Variants in CREB3 observed in about 807,000 individuals in gnomAD.
The protein encoded by CREB3 is cAMP responsive element binding protein 3.
In CREB3, 29 loss-of-function variants were observed where a neutral mutation model predicts 34.5. The observed-to-expected ratio is 0.84, with a 90% confidence interval of 0.63 to 1.15. CREB3 has a LOEUF of 1.15. Ranked by LOEUF, CREB3 falls within the 50% of genes most tolerant of loss-of-function variation. The probability of loss-of-function intolerance (pLI) is 0.00; values close to 1 mark genes in which losing one functional copy is unlikely to be tolerated. For missense variants in CREB3, 447 were observed against 443.4 expected, an observed-to-expected ratio of 1.01 and a Z score of -0.07; for synonymous variants, 187 against 173.9, an observed-to-expected ratio of 1.08 and a Z score of -0.59.
intron 6 of CREB3, among the ~76,000 whole-genome samples, chr9:35,735,814 T>C (rs1393535078): frequency 6.6e-6 from 1 of 152,198 alleles, no homozygotes; most frequent in Non-Finnish European, 1.5e-5. Flanking sequence ...GGAGGTTAAG[T>C]CCTGGCAGAG....
chr9:35,736,183 G>T, intron 7 of CREB3, 44 bp from the exon 8 acceptor site: 2 of 1,612,864 alleles, frequency 1.2e-6, no homozygotes, highest in Middle Eastern at 3.3e-4. Context: ...GTGGGGACAG[G>T]GCAATCCAGA....
rs1237059039 is a variant in CREB3, at chr9:35,732,910, G to C, written c.129+9G>C. 5.6e-6 allele frequency: 9 copies of C among 1,613,572 alleles called. No individual in the cohort carries two copies. The South Asian group carries it at 9.9e-5, about 18-fold the overall frequency. ...CGCTGCCGCTTTCTGAGGTAGGTTG[G>C]GGTTCTGACTGGGGAAAGCGTGGGA... On this transcript the variant is annotated intron_variant, in intron 1 of 8. Transcript: ENST00000353704. This position sits in a 1 kb window ranked among gnomAD's most constrained non-coding sequence, Gnocchi z 5.1.
rs528150775 is a variant in CREB3 at position 35,733,628 on chromosome 9, C to T, written c.435+143C>T. ...ATTTATTGCTAATAGGAAGTTGAGG[C>T]AGGTACACAATATGCCAGATGCAAG... On this transcript the variant is annotated intron_variant, in intron 4 of 8. Transcript: ENST00000353704. The T allele has an allele frequency of 4.5e-5, 29 of 642,658 alleles. No individual in the cohort carries two copies. In the African/African-American group the frequency reaches 4.9e-4, roughly 11 times the overall value. The allele number at this position is 642,658 out of a possible 1,614,324, so 39.8% of individuals were successfully genotyped here. A position where few individuals can be genotyped will look rare whatever the true frequency, so the allele number is the denominator to read the frequency against.
At chr9:35,735,264 A>T in intron 5 of CREB3, 42 bp from the exon 6 acceptor site, 1 of 1,611,828 alleles carries the variant, frequency 6.2e-7, no homozygotes, top group Non-Finnish European at 8.5e-7. Flanking sequence ...TTTTGAAGGG[A>T]GGATACAGGC....
chr9:35,734,770 T>C (rs1826161864), intron 4 of CREB3, among the ~76,000 whole-genome samples: 1 of 152,204 alleles, frequency 6.6e-6, no homozygotes, highest in Admixed American at 6.5e-5. Flanking sequence ...ATTTTTTATT[T>C]TTAGTAGAGA....
chr9:35,735,325 C>A lies in CREB3; in HGVS notation c.562C>A (p.Gln188Lys). 1 of 1,614,104 alleles carries A rather than the reference C, an allele frequency of 6.2e-7. No homozygotes were observed. Among genetic ancestry groups the A allele is most frequent in the Non-Finnish European group, 8.5e-7 (1 of 1,180,004 alleles). Residue 188 changes from glutamine to lysine, a missense_variant, in exon 6 of 9, where the codon CAG becomes AAG. Gln to Lys is a moderately conservative substitution (Grantham distance 53, BLOSUM62 1). Transcript: ENST00000353704. Reference sequence around the variant, plus strand: ...CCCCAGGGTCTTGAAATACACAGCCCAGAATATGGAGCTTCAGAACAAAGT... The same window carrying A: ...CCCCAGGGTCTTGAAATACACAGCCAAGAATATGGAGCTTCAGAACAAAGT... ...LESRVLKYTA[Q>K]NMELQNKVQL...
rs1395808914 is a variant in CREB3, at chr9:35,734,630, A to G, written c.436-479A>G. On this transcript the variant is annotated intron_variant, in intron 4 of 8. Transcript: ENST00000353704. ...TTGTTTGAAGACAGGTTCTTGCTTT[A>G]TTGCCCAGGTTGGAGAATAGTGGCG... Among the ~76,000 whole-genome samples, 4 of 152,088 alleles carry G rather than the reference A, an allele frequency of 2.6e-5. No homozygotes were observed. The East Asian group carries it at 5.8e-4, about 22-fold the overall frequency.
Position 35,736,700 on chromosome 9 carries a change from A to G in CREB3, c.1090A>G (p.Ile364Val), listed in dbSNP as rs1216475427. 1 of 1,610,208 alleles carries G rather than the reference A, an allele frequency of 6.2e-7. No homozygotes were observed. The highest frequency in any genetic ancestry group is 1.1e-5 in the South Asian group (1 of 91,050). Residue 364 changes from isoleucine (I) to valine (V), a missense_variant, in exon 9 of 9, where the codon ATT (isoleucine) becomes GTT (valine). By Grantham distance (29) the Ile-to-Val change is conservative (BLOSUM62 3). Coordinates refer to ENST00000353704, the MANE Select transcript of CREB3 (RefSeq NM_006368.5). Reference protein sequence around the residue: ...GWLPTGSPSVILQDRYSG With the variant: ...GWLPTGSPSVVLQDRYSG ...GCTTCCTACTGGTAGCCCCTCTGTC[A>G]TTTTGCAGGACAGATACTCAGGCTA...
rs750338622 is a variant in CREB3, at chr9:35,732,919, CTG to C, written c.129+19_129+20del. On this transcript the variant is annotated intron_variant, in intron 1 of 8. Transcript: ENST00000353704. The surrounding 1 kb of genome is among the most constrained non-coding windows in gnomAD (Gnocchi z 5.1). ...TTTCTGAGGTAGGTTGGGGTTCTGA[CTG>C]GGGAAAGCGTGGGATGTCCATGAAG... 1.1e-5 allele frequency: 18 copies of C among 1,612,856 alleles called. No homozygotes were observed. In the African/African-American group the frequency reaches 2.0e-4, roughly 18 times the overall value.
chr9:35,733,912 CT>C (rs1826146496), intron 4 of CREB3, among the ~76,000 whole-genome samples: 1 of 152,094 alleles, frequency 6.6e-6, no homozygotes, highest in Non-Finnish European at 1.5e-5. Flanking sequence ...TGAGTGGCAA[CT>C]TCACAAGCAG....
intron 4 of CREB3, 65 bp from the exon 5 acceptor site, chr9:35,735,042 TCA>T: frequency 7.8e-7 from 1 of 1,277,964 alleles, no homozygotes; most frequent in Admixed American, 2.5e-5. Context: ...GAGATTGATC[TCA>T]GTTGCGTTTC....
rs773567909 is a variant in CREB3, at chr9:35,732,973, C to A, written c.130-23C>A. 1.2e-6 allele frequency: 2 copies of A among 1,613,884 alleles called. No individual in the cohort carries two copies. The highest frequency in any genetic ancestry group is 1.7e-6 in the Non-Finnish European group (2 of 1,179,830). ...CAGGTGATGGTGATAAGGTCAAGGC[C>A]TGTTCATTGGAACCCTGCGCAGGTA... On this transcript the variant is annotated intron_variant, in intron 1 of 8. Transcript: ENST00000353704. The surrounding 1 kb of genome is among the most constrained non-coding windows in gnomAD (Gnocchi z 5.1).
chr9:35,736,021 T>C, intron 6 of CREB3, 27 bp from the exon 7 acceptor site: 1 of 1,576,418 alleles, frequency 6.3e-7, no homozygotes, highest in Non-Finnish European at 8.7e-7. Context: ...CAGGGGATGC[T>C]CACTATTGGC....
At position 35,732,766 on chromosome 9, in the gene CREB3, G is replaced by A; in HGVS notation, c.-7G>A. ...CCGGTGGCCCACCCTTTCCGTAGTT[G>A]TCCCAAATGGAGCTGGAATTGGATG... On this transcript the variant is annotated 5_prime_UTR_variant, in exon 1 of 9. Transcript: ENST00000353704. The surrounding 1 kb of genome is among the most constrained non-coding windows in gnomAD (Gnocchi z 5.1). 2.5e-6 allele frequency: 4 copies of A among 1,606,640 alleles called. No individual in the cohort carries two copies. Among genetic ancestry groups the A allele is most frequent in the South Asian group, 1.1e-5 (1 of 90,002 alleles).
Position 35,732,702 on chromosome 9 carries a change from C to G in CREB3, c.-71C>G, listed in dbSNP as rs1296608656. ...GTGGATAGGTGCCCGAGGCCTACAGCTGGCCTGGGGCTCGTGTCTGGGCTT... is the reference window on the plus strand; with the variant it reads ...GTGGATAGGTGCCCGAGGCCTACAGGTGGCCTGGGGCTCGTGTCTGGGCTT... On this transcript the variant is annotated 5_prime_UTR_variant, in exon 1 of 9. Coordinates refer to ENST00000353704, the MANE Select transcript of CREB3 (RefSeq NM_006368.5). The surrounding 1 kb of genome is among the most constrained non-coding windows in gnomAD (Gnocchi z 5.1). The G allele has an allele frequency of 3.2e-6, 5 of 1,548,290 alleles. No homozygotes were observed. In the Middle Eastern group the frequency reaches 5.5e-4, roughly 171 times the overall value.
At chr9:35,735,702 A>G (rs554727463) in intron 6 of CREB3, among the ~76,000 whole-genome samples, 4 of 152,308 alleles carry the variant, frequency 2.6e-5, no homozygotes, top group African/African-American at 9.6e-5. Context: ...AACTCTTAAC[A>G]CACATGAGCT....
At position 35,732,813 on chromosome 9, in the gene CREB3, C is replaced by T; in HGVS notation, c.41C>T (p.Ala14Val). ...GATGCTGGTGACCAAGACCTGCTGG[C>T]CTTCCTGCTAGAGGAAAGTGGAGAT... ...ELDAGDQDLLAFLLEESGDLG... is the reference protein window; with the variant it reads ...ELDAGDQDLLVFLLEESGDLG... The change falls in exon 1 of 9, where the codon GCC (alanine) becomes GTC (valine). Residue 14 changes from alanine to valine, a missense_variant. Transcript: ENST00000353704. This position sits in a 1 kb window ranked among gnomAD's most constrained non-coding sequence, Gnocchi z 5.1. The T allele has an allele frequency of 6.2e-7, 1 of 1,614,196 alleles. No individual in the cohort carries two copies.
chr9:35,736,911 T>C lies in CREB3; in HGVS notation c.*185T>C. The C allele has an allele frequency of 5.5e-6, 4 of 725,454 alleles. No homozygotes were observed. The South Asian group carries it at 5.6e-5, about 10-fold the overall frequency. The allele number at this position is 725,454 out of a possible 1,614,324, so 44.9% of individuals were successfully genotyped here. ...TTGTACCCATGTGTCTGTCACACCA[T>C]GAATGTACCTGGGGAAATCAACTGA... On this transcript the variant is annotated 3_prime_UTR_variant, in exon 9 of 9. Transcript: ENST00000353704.
rs1826115092 is a variant in CREB3 at position 35,732,851 on chromosome 9, C to T, written c.79C>T (p.Pro27Ser). ...LEESGDLGTA[P>S]DEAVRAPLDW... ...GGAAAGTGGAGATTTGGGGACGGCA[C>T]CCGATGAGGCCGTGAGGGCCCCACT... is the stretch of plus-strand genomic sequence containing the variant. Residue 27 changes from proline to serine, a missense_variant, in exon 1 of 9, where the codon CCC (proline) becomes TCC (serine). Physicochemically the swap from Pro to Ser is moderately conservative, Grantham distance 74. Coordinates refer to ENST00000353704, the MANE Select transcript of CREB3 (RefSeq NM_006368.5). The surrounding 1 kb of genome is among the most constrained non-coding windows in gnomAD (Gnocchi z 5.1). 7 of 1,614,234 alleles carry T rather than the reference C, an allele frequency of 4.3e-6. No individual in the cohort carries two copies. The highest frequency in any genetic ancestry group is 1.6e-4 in the Middle Eastern group (1 of 6,062).
Sources: gnomAD v4.1 joint callset for allele counts (sites outside exome capture counted in the v4.1 genomes callset) on GRCh38, gnomAD v4.1.1 for gene constraint, Gnocchi (gnomAD v3.1) non-coding constraint, MANE v1.5 for transcripts, NCBI Gene and HGNC (gene_info 2026-07-23, HGNC 2026-07-21) for gene names.